The following ABCA4 variants were observed in gnomAD, a reference collection of about 807,000 sequenced individuals.
ABCA4 encodes ATP binding cassette subfamily A member 4.
Under a neutral mutation model 263.7 loss-of-function variants are expected in ABCA4, and 196 were observed. The observed-to-expected ratio is 0.74, with a 90% CI of 0.66 to 0.84. The LOEUF is 0.84. Among genes scored for constraint, ABCA4 ranks in the 40% least tolerant of loss-of-function variants. The pLI, the probability that ABCA4 is intolerant of heterozygous loss-of-function variation, is 0.00. For synonymous variants in ABCA4, 1,133 were observed against 1,094.2 expected (o/e 1.04, Z -0.70); for missense variants, 2,792 against 2,855.1 (o/e 0.98, Z 0.50).
intron 24 of ABCA4, among the ~76,000 whole-genome samples, chr1:94,039,297 T>G (rs1399983035): frequency 6.6e-6 from 1 of 152,260 alleles, no homozygotes; most frequent in Non-Finnish European, 1.5e-5. Flanking sequence ...GTTCTCTTGC[T>G]TCACCAGATT....
rs116450316 is a variant in ABCA4, at chr1:94,077,217, C to T, written c.1554+473G>A. Among the ~76,000 whole-genome samples, 959 of 152,196 alleles carry T rather than the reference C, an allele frequency of 6.3e-3. 6 individuals carry two copies. The highest frequency in any genetic ancestry group is 0.022 in the African/African-American group (908 of 41,514). ...TGAGAATTCGGGCAAATGCTGAGGACGTTAATTAGGATAGGAAATATAGGA... is the reference window on the plus strand; with the variant it reads ...TGAGAATTCGGGCAAATGCTGAGGATGTTAATTAGGATAGGAAATATAGGA... On this transcript the variant is annotated intron_variant, in intron 11 of 49. Transcript: ENST00000370225.
intron 11 of ABCA4, among the ~76,000 whole-genome samples, chr1:94,069,652 T>C (rs984287181): frequency 6.6e-6 from 1 of 152,218 alleles, no homozygotes; most frequent in Non-Finnish European, 1.5e-5. Flanking sequence ...ATGAGTTTCC[T>C]GGCTAATCTA....
chr1:94,012,878 G>T (rs1158704772), intron 38 of ABCA4, among the ~76,000 whole-genome samples: 1 of 152,224 alleles, frequency 6.6e-6, no homozygotes, highest in East Asian at 1.9e-4. Context: ...CCGGCACGTG[G>T]TGTTCAGCTG....
intron 7 of ABCA4, among the ~76,000 whole-genome samples, chr1:94,082,103 G>T (rs1410639204): frequency 6.6e-6 from 1 of 152,156 alleles, no homozygotes; most frequent in African/African-American, 2.4e-5. Flanking sequence ...TCCACACAGT[G>T]AGTCATGCCT....
Position 93,993,009 on chromosome 1 carries a change from T to G in ABCA4, c.*228A>C. 1.7e-6 allele frequency: 1 copy of G among 591,654 alleles called. No homozygotes were observed. Among genetic ancestry groups the G allele is most frequent in the East Asian group, 2.9e-5 (1 of 34,624 alleles). The allele number at this position is 591,654 out of a possible 1,614,324, so 36.7% of individuals were successfully genotyped here. On this transcript the variant is annotated 3_prime_UTR_variant, in exon 50 of 50. Transcript: ENST00000370225. ...TTCTGGGGTCTGGAGAAGGATTTTG[T>G]ATTTGTTTGGTTTCACCATCAGGTG...
chr1:94,055,393 T>G, intron 15 of ABCA4, 78 bp from the exon 16 acceptor site: 4 of 1,440,958 alleles, frequency 2.8e-6, no homozygotes, highest in South Asian at 1.2e-5. Context: ...GCCCTCGAGG[T>G]AGAGGGGAGG....
At chr1:94,117,657 G>T (rs3789449) in intron 1 of ABCA4, among the ~76,000 whole-genome samples, 5,602 of 152,162 alleles carry the variant, frequency 0.037, 128 homozygotes, top group East Asian at 0.067. Flanking sequence ...ACGTTATCAG[G>T]ATGAACTCCT....
chr1:94,046,095 A>C (rs1406911542), intron 19 of ABCA4: 2 of 369,602 alleles, frequency 5.4e-6, no homozygotes, highest in African/African-American at 4.2e-5. Flanking sequence ...AACCCTCATC[A>C]GCTGATGTTG....
At chr1:94,014,355 G>T (rs1410583710) in intron 38 of ABCA4, among the ~76,000 whole-genome samples, 188 bp downstream of exon 38, 6 of 146,372 alleles carry the variant, frequency 4.1e-5, no homozygotes, top group African/African-American at 1.5e-4. Context: ...GGAGAAGAAG[G>T]AAAGAGGAAG....
chr1:94,001,713 G>T, intron 45 of ABCA4, 145 bp downstream of exon 45: 1 of 1,220,828 alleles, frequency 8.2e-7, no homozygotes, highest in Non-Finnish European at 1.2e-6. Flanking sequence ...TGGGCTGATC[G>T]CTCAAAATGA....
In ABCA4 at chr1:94,111,454, T is replaced by G. The variant is rs61748529; in HGVS notation, c.286A>C (p.Asn96His). ...TPGESPGIVS[N>H]YNNSILARVY... ...AACACTTACATGGAGTTGTTATAGT[T>G]TGACACAATTCCAGGAGATTCTCCT... is the stretch of plus-strand genomic sequence containing the variant. The change falls in exon 3 of 50, where the codon AAC becomes CAC. Residue 96 changes from asparagine (N) to histidine (H), a missense_variant. Physicochemically the swap from Asn to His is moderately conservative, Grantham distance 68. Coordinates refer to ENST00000370225, the MANE Select transcript of ABCA4 (RefSeq NM_000350.3). The G allele has an allele frequency of 8.1e-6, 13 of 1,613,962 alleles. No individual in the cohort carries two copies. The highest frequency in any genetic ancestry group is 1.1e-5 in the Non-Finnish European group (13 of 1,180,016).
At chr1:94,119,824 T>A (rs1662898973) in intron 1 of ABCA4, among the ~76,000 whole-genome samples, 1 of 152,162 alleles carries the variant, frequency 6.6e-6, no homozygotes, top group Admixed American at 6.5e-5. Context: ...GGCCTTCACC[T>A]GTTCCAGTTG....
intron 14 of ABCA4, 100 bp downstream of exon 14, chr1:94,060,436 CT>C: frequency 8.8e-7 from 1 of 1,131,574 alleles, no homozygotes; most frequent in Non-Finnish European, 1.3e-6. Context: ...ATGTCACGCT[CT>C]CCTTGGTGGC....
At chr1:94,029,248 T>C (rs1292421163) in intron 30 of ABCA4, among the ~76,000 whole-genome samples, 197 bp downstream of exon 30, 3 of 152,226 alleles carry the variant, frequency 2.0e-5, no homozygotes, top group Non-Finnish European at 2.9e-5. Context: ...AAGCTTTTGG[T>C]GAGTGGCTTC....
intron 47 of ABCA4, 29 bp from the exon 48 acceptor site, chr1:93,998,139 CCT>C (rs1553186164): frequency 6.2e-7 from 1 of 1,613,918 alleles, no homozygotes; most frequent in Non-Finnish European, 8.5e-7. Context: ...GCAGGACAGG[CCT>C]CTGTTAGTGG....
chr1:94,091,542 GA>G (rs1489209476), intron 6 of ABCA4, among the ~76,000 whole-genome samples: 3 of 147,558 alleles, frequency 2.0e-5, no homozygotes, highest in African/African-American at 5.0e-5. Context: ...ACTATTTCTG[GA>G]AAAAAAAGTC....
At chr1:94,048,691 A>G (rs1660753507) in intron 18 of ABCA4, among the ~76,000 whole-genome samples, 177 bp downstream of exon 18, 1 of 152,200 alleles carries the variant, frequency 6.6e-6, no homozygotes, top group Non-Finnish European at 1.5e-5. Flanking sequence ...TGAACCATTC[A>G]TTCCACACAC....
rs1291821062 is a variant in ABCA4 at position 94,031,960 on chromosome 1, C to A, written c.3946G>T (p.Asp1316Tyr). 2 of 1,614,032 alleles carry A rather than the reference C, an allele frequency of 1.2e-6. No individual in the cohort carries two copies. The highest frequency in any genetic ancestry group is 1.7e-6 in the Non-Finnish European group (2 of 1,180,008). The change falls in exon 27 of 50, where the codon GAC becomes TAC. Residue 1316 changes from aspartate (D) to tyrosine (Y), a missense_variant. By Grantham distance (160) the Asp-to-Tyr change is radical. Transcript: ENST00000370225. Reference sequence around the variant, plus strand: ...GCCCCTGGGGAGCAGACATTGGAGTCCTGGGGTGTCTGTCCAGCCTTCTCT... The same window carrying A: ...GCCCCTGGGGAGCAGACATTGGAGTACTGGGGTGTCTGTCCAGCCTTCTCT... ...PREKAGQTPQ[D>Y]SNVCSPGAPA...
chr1:94,029,293 C>T, intron 30 of ABCA4, 152 bp downstream of exon 30: 2 of 741,872 alleles, frequency 2.7e-6, no homozygotes, highest in Admixed American at 3.3e-5. Flanking sequence ...TGTGGGGAGC[C>T]CCTCCCAGAG....
Sources: gnomAD v4.1 joint callset for allele counts (sites outside exome capture counted in the v4.1 genomes callset) on GRCh38, gnomAD v4.1.1 for gene constraint, MANE v1.5 for transcripts, NCBI Gene and HGNC (gene_info 2026-07-23, HGNC 2026-07-21) for gene names.